AKT3: variants seen among roughly 807,000 people sequenced by gnomAD.
AKT3 encodes AKT serine/threonine kinase 3.
A neutral mutation model predicts 65.3 loss-of-function variants in AKT3; 15 were observed. That is an observed-to-expected ratio of 0.23 (90% CI 0.15 to 0.35). The LOEUF (loss-of-function observed/expected upper bound fraction) is 0.35, where lower values mean the gene tolerates loss of function less well. Among genes scored for constraint, AKT3 ranks in the 10% least tolerant of loss-of-function variants. The pLI, the probability that AKT3 is intolerant of heterozygous loss-of-function variation, is 1.00. For synonymous variants in AKT3, 206 were observed against 183.8 expected, an observed-to-expected ratio of 1.12 and a Z score of -0.98; for missense variants, 243 against 576.5, an observed-to-expected ratio of 0.42 and a Z score of 5.92.
intron 2 of AKT3, among the ~76,000 whole-genome samples, chr1:243,699,796 T>C (rs1006958283): frequency 6.6e-6 from 1 of 152,168 alleles, no homozygotes; most frequent in Non-Finnish European, 1.5e-5. Context: ...ACTTTTCCCC[T>C]GGAGAATTAT....
Position 243,545,534 on chromosome 1 carries a change from G to A in AKT3, c.1227C>T (p.Asn409=). 1 of 1,612,026 alleles carries A rather than the reference G, an allele frequency of 6.2e-7. No homozygotes were observed. Among genetic ancestry groups the A allele is most frequent in the Non-Finnish European group, 8.5e-7 (1 of 1,178,480 alleles). Residue 409 remains asparagine (N), a synonymous_variant, in exon 12 of 14, where the codon AAC becomes AAT. Transcript: ENST00000673466. ...IMRHSFFSGV[N]WQDVYDKKLV... ...CCTTTTTATCATATACATCTTGCCA[G>A]TTTACTCCAGAGAAGAAACTGTGTC...
rs1232739173 is a variant in AKT3 at position 243,670,720 on chromosome 1, GTTAT to G, written c.173-5841_173-5838del. On this transcript the variant is annotated intron_variant, in intron 3 of 13. Coordinates refer to ENST00000673466, the MANE Select transcript of AKT3 (RefSeq NM_005465.7). The stretch of plus-strand genomic sequence containing the variant: ...CTTATTATAACATCTACTTCTCAGT[GTTAT>G]TTGTTACACTGTTACTTATATTAGA... 3.3e-5 allele frequency among the ~76,000 whole-genome samples: 5 copies of G among 152,242 alleles called. No homozygotes were observed. The East Asian group carries it at 7.7e-4, about 23-fold the overall frequency.
chr1:243,771,637 T>C (rs1299003668), intron 2 of AKT3, among the ~76,000 whole-genome samples: 2 of 152,154 alleles, frequency 1.3e-5, no homozygotes, highest in African/African-American at 4.8e-5. Flanking sequence ...AATATTGTAG[T>C]TGTCAGTCAT....
chr1:243,545,068 G>A (rs1295721981), intron 12 of AKT3, among the ~76,000 whole-genome samples: 1 of 152,034 alleles, frequency 6.6e-6, no homozygotes, highest in Admixed American at 6.5e-5. Context: ...AAGACACTGT[G>A]TTTACTACCT....
chr1:243,543,346 T>C (rs1450258301), intron 12 of AKT3, among the ~76,000 whole-genome samples: 1 of 152,138 alleles, frequency 6.6e-6, no homozygotes, highest in East Asian at 1.9e-4. Context: ...TTGTAGCAAA[T>C]CTTATTTCCT....
chr1:243,662,294 T>A (rs1407733727), intron 4 of AKT3, among the ~76,000 whole-genome samples: 1 of 151,928 alleles, frequency 6.6e-6, no homozygotes, highest in Non-Finnish European at 1.5e-5. Context: ...TAGCAAAGAC[T>A]TGGAACCAAC....
chr1:243,722,155 C>T (rs1351780856), intron 2 of AKT3, among the ~76,000 whole-genome samples: 2 of 152,202 alleles, frequency 1.3e-5, no homozygotes, highest in East Asian at 3.9e-4. Flanking sequence ...AAAAGTTTAA[C>T]ATTAAGAACA....
chr1:243,532,475 C>T (rs542311294), intron 12 of AKT3, among the ~76,000 whole-genome samples: 1 of 152,156 alleles, frequency 6.6e-6, no homozygotes, highest in African/African-American at 2.4e-5. Flanking sequence ...AATTTCTATA[C>T]GTTGAACATC....
chr1:243,752,413 T>C (rs1187044549), intron 2 of AKT3, among the ~76,000 whole-genome samples: 1 of 152,232 alleles, frequency 6.6e-6, no homozygotes, highest in Admixed American at 6.5e-5. Context: ...ATGCTATAAA[T>C]GTTACGGAAA....
intron 2 of AKT3, among the ~76,000 whole-genome samples, chr1:243,777,740 T>G (rs1690648277): frequency 6.6e-6 from 1 of 152,130 alleles, no homozygotes; most frequent in Non-Finnish European, 1.5e-5. Context: ...GTGCCCCATC[T>G]CTCATCTTTT....
At chr1:243,807,425 C>T (rs899121232) in intron 2 of AKT3, among the ~76,000 whole-genome samples, 2 of 152,160 alleles carry the variant, frequency 1.3e-5, no homozygotes, top group African/African-American at 2.4e-5. Flanking sequence ...CCCACAGAGC[C>T]TCGCTCGTTG....
chr1:243,594,742 T>A (rs1419850302), intron 8 of AKT3, among the ~76,000 whole-genome samples: 1 of 152,080 alleles, frequency 6.6e-6, no homozygotes, highest in Non-Finnish European at 1.5e-5. Context: ...CCAGGCTAAT[T>A]TTTTAAATTT....
intron 3 of AKT3, among the ~76,000 whole-genome samples, chr1:243,683,552 A>T (rs1185954547): frequency 6.6e-6 from 1 of 152,168 alleles, no homozygotes; most frequent in Non-Finnish European, 1.5e-5. Flanking sequence ...TAAGTATTTA[A>T]AAATAATTGA....
At chr1:243,610,387 G>A (rs1385912974) in intron 8 of AKT3, among the ~76,000 whole-genome samples, 1 of 152,194 alleles carries the variant, frequency 6.6e-6, no homozygotes, top group East Asian at 1.9e-4. Context: ...AAGCCTCTTA[G>A]AAAGCTAACA....
intron 2 of AKT3, among the ~76,000 whole-genome samples, chr1:243,837,673 CT>C (rs982023677): frequency 5.0e-4 from 76 of 152,176 alleles, no homozygotes; most frequent in African/African-American, 1.8e-3. Context: ...GCAGTAAAAT[CT>C]TTAGAAAAAA....
At chr1:243,577,259 G>A (rs1337210249) in intron 8 of AKT3, among the ~76,000 whole-genome samples, 1 of 152,110 alleles carries the variant, frequency 6.6e-6, no homozygotes, top group African/African-American at 2.4e-5. Flanking sequence ...CAATTCTCCT[G>A]CCTCAGCCTC....
chr1:243,539,757 AG>A (rs1672183680), intron 12 of AKT3, among the ~76,000 whole-genome samples: 1 of 152,218 alleles, frequency 6.6e-6, no homozygotes. Context: ...AGGAATCACA[AG>A]GGGAATTAAA....
At chr1:243,718,117 T>C (rs1001062396) in intron 2 of AKT3, among the ~76,000 whole-genome samples, 2 of 152,160 alleles carry the variant, frequency 1.3e-5, no homozygotes, top group Non-Finnish European at 2.9e-5. Context: ...AGAGTAGCAA[T>C]TGCTCCTAAA....
chr1:243,536,319 A>G (rs1481911673), intron 12 of AKT3, among the ~76,000 whole-genome samples: 1 of 151,998 alleles, frequency 6.6e-6, no homozygotes, highest in Non-Finnish European at 1.5e-5. Flanking sequence ...CTCCGGAAGA[A>G]TTTTTCATAG....
Sources: gnomAD v4.1 joint callset for allele counts (sites outside exome capture counted in the v4.1 genomes callset) on GRCh38, gnomAD v4.1.1 for gene constraint, MANE v1.5 for transcripts, NCBI Gene and HGNC (gene_info 2026-07-23, HGNC 2026-07-21) for gene names.